TENM1: variants seen among roughly 807,000 people sequenced by gnomAD.
TENM1 encodes the protein teneurin-1.
In TENM1, 35 loss-of-function variants were observed where a neutral mutation model predicts 174.8. The observed-to-expected ratio is 0.20, with a 90% CI of 0.15 to 0.27. The LOEUF is 0.27. Ranked by LOEUF, TENM1 falls within the 10% of genes least tolerant of loss-of-function variation. The pLI is 1.00. For synonymous variants in TENM1, 781 were observed against 798.7 expected (o/e 0.98, Z 0.37); for missense variants, 1,633 against 2,130.1 (o/e 0.77, Z 4.59).
intron 5 of TENM1, 108 bp from the exon 9 acceptor site, chrX:124,671,943 T>C (rs1487735585): frequency 2.4e-5 from 20 of 817,268 alleles, no homozygotes; most frequent in Non-Finnish European, 3.5e-5. Context: ...TTCTTTTAGT[T>C]AGGCCAAGTA....
intron 3 of TENM1, among the ~76,000 whole-genome samples, chrX:124,738,322 GATCACAGAAAAAAAAAAA>G (rs2053724785): frequency 9.1e-6 from 1 of 109,832 alleles, no homozygotes; most frequent in African/African-American, 3.3e-5. Context: ...TGCAGTGGCT[GATCACAGAAAAAAAAAAA>G]ATCACTTCTT....
chrX:124,565,531 C>T (rs778396018), exon 12 of TENM1: 12 of 1,206,961 alleles, frequency 9.9e-6, no homozygotes, highest in Non-Finnish European at 1.2e-5. Flanking sequence ...GAGCAGACTC[C>T]ATGGCTACCA....
chrX:124,438,026 G>A lies in TENM1; in HGVS notation c.4104+15311C>T, dbSNP rs755663188. The stretch of plus-strand genomic sequence containing the variant: ...TCCCCTCTCATAATTAATAGAGAGT[G>A]GGAGTAGGTTTAAAGGTACAGTGTA... On this transcript the variant is annotated intron_variant, in intron 23 of 31. Coordinates refer to ENST00000422452, the Ensembl canonical transcript of TENM1. 7.1e-5 allele frequency among the ~76,000 whole-genome samples: 8 copies of A among 112,151 alleles called. No individual in the cohort carries two copies. In the South Asian group the frequency reaches 2.6e-3, roughly 37 times the overall value.
At position 124,848,240 on chromosome X, in the gene TENM1, C is replaced by T. The variant is rs569136033; in HGVS notation, c.535+46056G>A. Among the ~76,000 whole-genome samples, 41 of 110,662 alleles carry T rather than the reference C, an allele frequency of 3.7e-4. 1 individual carries two copies. In the South Asian group the frequency reaches 0.015, roughly 40 times the overall value. The stretch of plus-strand genomic sequence containing the variant: ...TGAATGACTACTCTAATTTATACAT[C>T]TCTTGATATCATACAGCCTTGGAAG... On this transcript the variant is annotated intron_variant, in intron 3 of 31. Transcript: ENST00000422452.
chrX:125,189,321 A>T, the TENM1 span, among the ~76,000 whole-genome samples: 6 of 112,355 alleles, frequency 5.3e-5, no homozygotes, highest in Non-Finnish European at 1.1e-4. Context: ...TCATTTCCAA[A>T]AAATAAACTG....
At chrX:124,885,403 T>A (rs1389808158) in intron 3 of TENM1, among the ~76,000 whole-genome samples, 1 of 111,215 alleles carries the variant, frequency 9.0e-6, no homozygotes, top group Non-Finnish European at 1.9e-5. Context: ...TACAAAGATG[T>A]CTATTTTAGT....
At chrX:125,193,299 C>T in the TENM1 span, among the ~76,000 whole-genome samples, 1 of 112,442 alleles carries the variant, frequency 8.9e-6, no homozygotes, top group Admixed American at 9.4e-5. Flanking sequence ...AAAATAATTC[C>T]ACAAAGTTCC....
intron 1 of TENM1, among the ~76,000 whole-genome samples, chrX:124,914,744 A>G (rs1208734943): frequency 9.0e-6 from 1 of 111,451 alleles, no homozygotes; most frequent in Middle Eastern, 4.2e-3. Context: ...TCTGGCCTAG[A>G]TGACTGCAAT....
chrX:125,049,250 T>A, the TENM1 span, among the ~76,000 whole-genome samples: 3 of 111,734 alleles, frequency 2.7e-5, no homozygotes, highest in African/African-American at 9.8e-5. Context: ...CCTATTTCCC[T>A]CTCCCCAACA....
At chrX:124,653,528 T>C in intron 7 of TENM1, 56 bp downstream of exon 10, 1 of 1,017,529 alleles carries the variant, frequency 9.8e-7, no homozygotes, top group African/African-American at 1.9e-5. Flanking sequence ...AACCCTGAAC[T>C]GTTCAACCCA....
chrX:124,452,362 C>G (rs992210017), intron 23 of TENM1, among the ~76,000 whole-genome samples: 1 of 112,011 alleles, frequency 8.9e-6, no homozygotes, highest in Non-Finnish European at 1.9e-5. Flanking sequence ...ATTACAAAGT[C>G]AGGACACAAC....
At chrX:124,986,476 G>A in the TENM1 span, among the ~76,000 whole-genome samples, 1 of 111,964 alleles carries the variant, frequency 8.9e-6, no homozygotes, top group African/African-American at 3.2e-5. Flanking sequence ...GATTCCCTCT[G>A]AATACAGCAC....
rs758207116 is a variant in TENM1 at position 124,415,663 on chromosome X, AC to A, written c.4982+4647del. ...TTTGTGGCCATAAAATTTCATGACT[AC>A]CCCCATGTGGATGTCTGTGTTTCTC... On this transcript the variant is annotated intron_variant, in intron 25 of 31. Coordinates refer to ENST00000422452, the Ensembl canonical transcript of TENM1. Among the ~76,000 whole-genome samples, 3 of 110,542 alleles carry A rather than the reference AC, an allele frequency of 2.7e-5. No individual in the cohort carries two copies. In the Admixed American group the frequency reaches 2.9e-4, roughly 11 times the overall value.
intron 8 of TENM1, among the ~76,000 whole-genome samples, chrX:124,648,839 C>A (rs1020132060): frequency 1.8e-5 from 2 of 111,897 alleles, no homozygotes; most frequent in African/African-American, 6.5e-5. Context: ...GAATGTAGCT[C>A]TTCTGGAAAA....
At chrX:124,736,962 C>T in exon 4 of TENM1, 8 of 1,205,570 alleles carry the variant, frequency 6.6e-6, no homozygotes, top group Non-Finnish European at 9.0e-6. Flanking sequence ...AGTACCTGGT[C>T]TCCAATGGTA....
intron 15 of TENM1, among the ~76,000 whole-genome samples, chrX:124,530,488 G>A (rs1262176483): frequency 9.0e-6 from 1 of 110,788 alleles, no homozygotes; most frequent in Non-Finnish European, 1.9e-5. Context: ...AGTCCCTACT[G>A]ACCGCCTTTT....
chrX:125,060,098 G>A, the TENM1 span, among the ~76,000 whole-genome samples: 13 of 108,045 alleles, frequency 1.2e-4, no homozygotes, highest in African/African-American at 4.4e-4. Flanking sequence ...CCCCATAACT[G>A]CGTAAGATAA....
rs144739006 is a variant in TENM1, at chrX:124,661,442, G to C, written c.1169-7659C>G. 4.9e-3 allele frequency among the ~76,000 whole-genome samples: 554 copies of C among 112,153 alleles called. 1 individual carries two copies. Among genetic ancestry groups the C allele is most frequent in the Non-Finnish European group, 7.7e-3 (408 of 53,204 alleles). ...TTTGATGTATTTCCAAGTGGTTTTA[G>C]AATGTTACCTGCTACCTAGAAGCTG... On this transcript the variant is annotated intron_variant, in intron 6 of 31. Transcript: ENST00000422452.
chrX:124,978,663 T>C, the TENM1 span, among the ~76,000 whole-genome samples: 1 of 111,944 alleles, frequency 8.9e-6, no homozygotes, highest in South Asian at 3.7e-4. Flanking sequence ...TGTGTCCTTG[T>C]AGCATTGTGG....
Sources: allele counts gnomAD v4.1 joint callset (sites outside exome capture counted in the v4.1 genomes callset), GRCh38; gene constraint gnomAD v4.1.1; transcripts MANE v1.5; gene names NCBI Gene and HGNC (gene_info 2026-07-23, HGNC 2026-07-21).